The following CDK5RAP1 variants were observed in gnomAD, a reference collection of about 807,000 sequenced individuals.
The protein encoded by CDK5RAP1 is CDK5RAP1 mitochondrial tRNA methylthiotransferase.
A neutral mutation model predicts 64.5 loss-of-function variants in CDK5RAP1; 62 were observed. The ratio of observed to expected loss-of-function variants is 0.96; its 90% CI spans 0.78 to 1.19. The LOEUF is 1.19. Ranked by LOEUF, CDK5RAP1 falls within the 50% of genes most tolerant of loss-of-function variation. The probability of loss-of-function intolerance (pLI) is 0.00; values close to 1 mark genes in which losing one functional copy is unlikely to be tolerated. For synonymous variants in CDK5RAP1, 250 were observed against 261.9 expected (o/e 0.95, Z 0.44); for missense variants, 657 against 735.0 (o/e 0.89, Z 1.23).
At chr20:33,392,103 A>C in intron 5 of CDK5RAP1, 39 bp downstream of exon 5, 1 of 1,303,804 alleles carries the variant, frequency 7.7e-7, no homozygotes. Flanking sequence ...CATAAAGTCC[A>C]AGTTTCAAAG....
chr20:33,371,805 GA>G (rs1305655130), intron 10 of CDK5RAP1, among the ~76,000 whole-genome samples: 1 of 152,032 alleles, frequency 6.6e-6, no homozygotes, highest in African/African-American at 2.4e-5. Flanking sequence ...GTAATAATTA[GA>G]AATTTGAGGA....
chr20:33,372,669 C>A lies in CDK5RAP1; in HGVS notation c.1234G>T (p.Val412Phe). The change falls in exon 10 of 14, where the codon GTT (valine) becomes TTT (phenylalanine). Residue 412 changes from valine (V) to phenylalanine (F), a missense_variant. Physicochemically the swap from Val to Phe is conservative, Grantham distance 50 (BLOSUM62 -1). Transcript: ENST00000346416. ...GGAATAGATTCTCTAATATGGTGAA[C>A]TAACTCCACATAAGCTTCTCTTGAA... ...GYSREAYVELVHHIRESIPGV... is the reference protein window; with the variant it reads ...GYSREAYVELFHHIRESIPGV... The A allele has an allele frequency of 1.3e-6, 2 of 1,576,028 alleles. No individual in the cohort carries two copies. Among genetic ancestry groups the A allele is most frequent in the Non-Finnish European group, 8.6e-7 (1 of 1,164,488 alleles).
intron 12 of CDK5RAP1, among the ~76,000 whole-genome samples, chr20:33,363,155 G>A (rs1269189381): frequency 6.6e-6 from 1 of 152,144 alleles, no homozygotes; most frequent in East Asian, 1.9e-4. Flanking sequence ...ATCTTATCAT[G>A]AAAATACATC....
intron 8 of CDK5RAP1, among the ~76,000 whole-genome samples, chr20:33,378,687 T>A (rs1482740356): frequency 2.6e-5 from 4 of 152,168 alleles, no homozygotes; most frequent in Non-Finnish European, 5.9e-5. Context: ...CAGATAAAGA[T>A]GAAAAGTTGA....
At chr20:33,394,926 C>A in intron 3 of CDK5RAP1, 87 bp downstream of exon 3, 1 of 806,554 alleles carries the variant, frequency 1.2e-6, no homozygotes, top group Non-Finnish European at 2.2e-6. Context: ...AGGGGGCACC[C>A]TGCTCCTGAA....
At chr20:33,394,474 T>G (rs1988691652) in intron 3 of CDK5RAP1, among the ~76,000 whole-genome samples, 1 of 151,248 alleles carries the variant, frequency 6.6e-6, no homozygotes, top group African/African-American at 2.4e-5. Context: ...TTAACTATTT[T>G]TTTCCTTTTT....
At chr20:33,368,774 G>A (rs1302357145) in intron 11 of CDK5RAP1, among the ~76,000 whole-genome samples, 1 of 152,072 alleles carries the variant, frequency 6.6e-6, no homozygotes, top group Admixed American at 6.5e-5. Context: ...GGGAGGCTGA[G>A]GCAGGAGAAA....
chr20:33,393,743 G>A (rs1988595236), intron 4 of CDK5RAP1, among the ~76,000 whole-genome samples: 1 of 152,118 alleles, frequency 6.6e-6, no homozygotes, highest in Non-Finnish European at 1.5e-5. Flanking sequence ...GAGCTGAGTG[G>A]CTCGGCACAT....
Position 33,358,989 on chromosome 20 carries a change from C to T in CDK5RAP1, c.*54G>A. 1 of 1,308,664 alleles carries T rather than the reference C, an allele frequency of 7.6e-7. No individual in the cohort carries two copies. The highest frequency in any genetic ancestry group is 1.1e-6 in the Non-Finnish European group (1 of 907,664). 81.1% of individuals were successfully genotyped at this position (1,308,664 alleles called of 1,614,324 possible). A position where few individuals can be genotyped will look rare whatever the true frequency, so the allele number is the denominator to read the frequency against. ...GTTTCCTCAGTGGCAGGCAATGTCT[C>T]CCCTTCCTGTTGGGGAGGATTGCCC... On this transcript the variant is annotated 3_prime_UTR_variant, in exon 14 of 14. Transcript: ENST00000346416.
intron 9 of CDK5RAP1, chr20:33,373,218 G>A (rs1028670359): frequency 3.1e-5 from 4 of 129,096 alleles, no homozygotes; most frequent in Admixed American, 2.7e-4. Flanking sequence ...GCCCAGGTGT[G>A]TGCATGTGTG....
intron 11 of CDK5RAP1, among the ~76,000 whole-genome samples, 197 bp downstream of exon 11, chr20:33,370,302 A>C (rs549182553): frequency 6.6e-6 from 1 of 152,354 alleles, no homozygotes; most frequent in Admixed American, 6.5e-5. Context: ...CTGGCACAGT[A>C]ATCATGTATC....
At chr20:33,391,308 G>A (rs1215469316) in intron 5 of CDK5RAP1, among the ~76,000 whole-genome samples, 9 of 150,642 alleles carry the variant, frequency 6.0e-5, no homozygotes, top group East Asian at 1.9e-4. Context: ...AAATAATTGC[G>A]CTGTACAAAC....
intron 10 of CDK5RAP1, 87 bp downstream of exon 10, chr20:33,372,554 GA>G: frequency 1.7e-6 from 1 of 588,054 alleles, no homozygotes. Context: ...GTGTCACAAG[GA>G]AATGCCAAAG....
intron 7 of CDK5RAP1, among the ~76,000 whole-genome samples, chr20:33,384,214 G>A (rs1987133973): frequency 6.6e-6 from 1 of 152,100 alleles, no homozygotes; most frequent in Non-Finnish European, 1.5e-5. Flanking sequence ...AAATTATTAA[G>A]TGACTAACAG....
intron 10 of CDK5RAP1, among the ~76,000 whole-genome samples, chr20:33,372,123 T>G (rs543605351): frequency 6.6e-6 from 1 of 152,286 alleles, no homozygotes; most frequent in East Asian, 1.9e-4. Flanking sequence ...AGGCATAATC[T>G]AAGTGTTATT....
At chr20:33,361,088 T>C (rs1427683826) in intron 12 of CDK5RAP1, among the ~76,000 whole-genome samples, 1 of 152,114 alleles carries the variant, frequency 6.6e-6, no homozygotes, top group Non-Finnish European at 1.5e-5. Context: ...TTGGGTAAAA[T>C]ATATGAAACA....
rs3050556 is a variant in CDK5RAP1, at chr20:33,373,222, ATGTG to A, written c.1206-529_1206-526del. ...TTCACCATGTTGCCCAGGTGTGTGC[ATGTG>A]TGTGTGTGTGTGTGTGTAGGGACTG... On this transcript the variant is annotated intron_variant, in intron 9 of 13. Coordinates refer to ENST00000346416, the MANE Select transcript of CDK5RAP1 (RefSeq NM_016408.4). The A allele has an allele frequency of 4.0e-3, 523 of 129,720 alleles. 3 individuals are homozygous for A. Among genetic ancestry groups the A allele is most frequent in the African/African-American group, 0.015 (481 of 33,054 alleles). 8.0% of individuals were successfully genotyped at this position (129,720 alleles called of 1,614,324 possible).
In CDK5RAP1 at chr20:33,396,896, A is replaced by G; in HGVS notation, c.169T>C (p.Ser57Pro). ...QEDGARKDFSSRLAAGPTFQH... is the reference protein window; with the variant it reads ...QEDGARKDFSPRLAAGPTFQH... ...AAAGTCGGTCCAGCAGCCAGCCTGG[A>G]GCTGAAATCCTTCCGAGCTCCATCC... Residue 57 changes from serine (S) to proline (P), a missense_variant, in exon 2 of 14, where the codon TCC (serine) becomes CCC (proline). Transcript: ENST00000346416. 6.2e-7 allele frequency: 1 copy of G among 1,614,178 alleles called. No individual in the cohort carries two copies. The highest frequency in any genetic ancestry group is 8.5e-7 in the Non-Finnish European group (1 of 1,180,024).
intron 2 of CDK5RAP1, among the ~76,000 whole-genome samples, chr20:33,395,584 G>A (rs958749046): frequency 6.6e-6 from 1 of 152,158 alleles, no homozygotes; most frequent in East Asian, 1.9e-4. Context: ...GGGCAATAGA[G>A]TGAGAACCTG....
Sources: allele counts gnomAD v4.1 joint callset (sites outside exome capture counted in the v4.1 genomes callset), GRCh38; gene constraint gnomAD v4.1.1; transcripts MANE v1.5; gene names NCBI Gene and HGNC (gene_info 2026-07-23, HGNC 2026-07-21).